Variants in LRBA observed in about 807,000 individuals in gnomAD.
The protein encoded by LRBA is lipopolysaccharide-responsive and beige-like anchor protein.
Under a neutral mutation model 330.0 loss-of-function variants are expected in LRBA, and 176 were observed. The ratio of observed to expected loss-of-function variants is 0.53; its 90% CI spans 0.47 to 0.60. The LOEUF (loss-of-function observed/expected upper bound fraction) is 0.60, where lower values mean the gene tolerates loss of function less well. Among genes scored for constraint, LRBA ranks in the 20% least tolerant of loss-of-function variants. The pLI, the probability that LRBA is intolerant of heterozygous loss-of-function variation, is 0.00. For missense variants in LRBA, 3,259 were observed against 3,444.8 expected (o/e 0.95, Z 1.35); for synonymous variants, 1,230 against 1,193.0 (o/e 1.03, Z -0.64).
intron 2 of LRBA, among the ~76,000 whole-genome samples, chr4:151,000,574 G>C (rs1178703483): frequency 3.9e-5 from 6 of 152,150 alleles, no homozygotes; most frequent in Non-Finnish European, 8.8e-5. Flanking sequence ...GTGACTAAAG[G>C]ACAGGTAGCA....
chr4:150,574,040 T>C (rs780696560), intron 40 of LRBA, among the ~76,000 whole-genome samples: 3 of 152,132 alleles, frequency 2.0e-5, no homozygotes, highest in Non-Finnish European at 4.4e-5. Flanking sequence ...CATTAAAATG[T>C]CCAAAACATT....
At chr4:150,334,711 T>G (rs1260136168) in intron 48 of LRBA, among the ~76,000 whole-genome samples, 1 of 151,956 alleles carries the variant, frequency 6.6e-6, no homozygotes, top group Non-Finnish European at 1.5e-5. Flanking sequence ...AAGCATGTAT[T>G]ATTTTTGAAA....
At chr4:150,693,551 G>A (rs1403703785) in intron 36 of LRBA, among the ~76,000 whole-genome samples, 4 of 93,940 alleles carry the variant, frequency 4.3e-5, no homozygotes, top group Admixed American at 1.8e-4. Context: ...GTGACAGAGC[G>A]AGACTCCGTC....
At position 150,781,965 on chromosome 4, in the gene LRBA, G is replaced by A. The variant is rs144670493; in HGVS notation, c.5580+16116C>T. Among the ~76,000 whole-genome samples, 547 of 152,074 alleles carry A rather than the reference G, an allele frequency of 3.6e-3. 4 individuals carry two copies. Among genetic ancestry groups the A allele is most frequent in the Non-Finnish European group, 5.4e-3 (367 of 68,012 alleles). On this transcript the variant is annotated intron_variant, in intron 34 of 56. Coordinates refer to ENST00000651943, the MANE Select transcript of LRBA (RefSeq NM_001364905.1). ...GTTCTGTCACTCACTGAAATGCAGC[G>A]GTGCTATCACAATTCACTGCAGCCT...
intron 2 of LRBA, among the ~76,000 whole-genome samples, chr4:150,974,237 G>C (rs947390124): frequency 6.6e-6 from 1 of 152,164 alleles, no homozygotes. Flanking sequence ...ATGAGTTGAA[G>C]AGACACAGAT....
Position 150,276,226 on chromosome 4 carries a change from C to T in LRBA, c.8468+1627G>A, listed in dbSNP as rs867647667. On this transcript the variant is annotated intron_variant, in intron 56 of 56. Coordinates refer to ENST00000651943, the MANE Select transcript of LRBA (RefSeq NM_001364905.1). ...AAATGGTGTTGGGAAAACTGGCTAG[C>T]CATATGCAGAAAACTGAAACTGGAC... Among the ~76,000 whole-genome samples the T allele has an allele frequency of 1.1e-4, 17 of 152,258 alleles. No individual in the cohort carries two copies. In the Middle Eastern group the frequency reaches 0.017, roughly 152 times the overall value.
intron 37 of LRBA, among the ~76,000 whole-genome samples, chr4:150,673,272 C>A (rs538469361): frequency 6.6e-6 from 1 of 152,180 alleles, no homozygotes; most frequent in African/African-American, 2.4e-5. Context: ...ATTTACTAAA[C>A]CGAAAATTTT....
At chr4:150,552,897 G>A (rs924657565) in intron 40 of LRBA, among the ~76,000 whole-genome samples, 4 of 151,408 alleles carry the variant, frequency 2.6e-5, no homozygotes, top group East Asian at 1.9e-4. Context: ...GTGAAACCCC[G>A]TCTCTACTAA....
At chr4:150,990,763 TA>T (rs754860627) in intron 2 of LRBA, among the ~76,000 whole-genome samples, 2 of 152,066 alleles carry the variant, frequency 1.3e-5, no homozygotes, top group African/African-American at 2.4e-5. Context: ...CTCATGCCTA[TA>T]ATATCAGCAT....
At chr4:150,897,279 A>C (rs902765694) in intron 15 of LRBA, among the ~76,000 whole-genome samples, 2 of 152,000 alleles carry the variant, frequency 1.3e-5, no homozygotes, top group Non-Finnish European at 2.9e-5. Context: ...CTTTTTTAGA[A>C]TATTAAATTT....
At position 150,316,878 on chromosome 4, in the gene LRBA, G is replaced by C. The variant is rs1580993153; in HGVS notation, c.7631-1255C>G. On this transcript the variant is annotated intron_variant, in intron 50 of 56. Transcript: ENST00000651943. Reference sequence around the variant, plus strand: ...GGGGCGTTGGGGTTCCTATCTTTATGGGTTTCTGTTAACCAAGGGGTGGAA... The same window carrying C: ...GGGGCGTTGGGGTTCCTATCTTTATCGGTTTCTGTTAACCAAGGGGTGGAA... 2.0e-5 allele frequency among the ~76,000 whole-genome samples: 3 copies of C among 152,256 alleles called. No homozygotes were observed. In the South Asian group the frequency reaches 6.2e-4, roughly 32 times the overall value.
At chr4:150,889,290 CA>C (rs34389393) in intron 17 of LRBA, among the ~76,000 whole-genome samples, 140,207 of 147,554 alleles carry the variant, frequency 0.95, 66,782 homozygotes, top group East Asian at 0.99. Flanking sequence ...TGATTTTCCA[CA>C]AAAAAAAAAA....
In LRBA at chr4:151,014,579, C is replaced by T; in HGVS notation, c.64G>A (p.Gly22Arg). ...PPTGDDGGGG[G>R]REETPTEGGA... ...CCTTCAGTAGGGGTTTCTTCTCTCC[C>T]TCCACCTCCCCCGTCATCACCTGTT... The change falls in exon 2 of 57, where the codon GGG becomes AGG. Residue 22 changes from glycine (G) to arginine (R), a missense_variant. Physicochemically the swap from Gly to Arg is moderately radical, Grantham distance 125 (BLOSUM62 -2). Coordinates refer to ENST00000651943, the MANE Select transcript of LRBA (RefSeq NM_001364905.1). The T allele has an allele frequency of 2.5e-6, 4 of 1,612,474 alleles. No individual in the cohort carries two copies. The highest frequency in any genetic ancestry group is 3.4e-6 in the Non-Finnish European group (4 of 1,179,224).
Position 150,583,383 on chromosome 4 carries a change from G to A in LRBA, c.6330+4665C>T. 3 of 1,614,086 alleles carry A rather than the reference G, an allele frequency of 1.9e-6. No individual in the cohort carries two copies. Among genetic ancestry groups the A allele is most frequent in the Non-Finnish European group, 2.5e-6 (3 of 1,180,036 alleles). ...TGTCTCTCTGGGTCGAGTTCATCAC[G>A]GCGTCGGGCTATCTCTCAGCGCGTA... On this transcript the variant is annotated intron_variant, in intron 40 of 56. Transcript: ENST00000651943. This position sits in a 1 kb window ranked among gnomAD's most constrained non-coding sequence, Gnocchi z 9.8.
chr4:150,382,635 A>AAAG (rs1394378081), intron 47 of LRBA, among the ~76,000 whole-genome samples: 1 of 151,958 alleles, frequency 6.6e-6, no homozygotes, highest in Non-Finnish European at 1.5e-5. Flanking sequence ...AAAAAAAAAA[A>AAAG]AAGAAGACCA....
At chr4:150,893,354 C>T (rs567446252) in intron 16 of LRBA, among the ~76,000 whole-genome samples, 1 of 151,986 alleles carries the variant, frequency 6.6e-6, no homozygotes, top group South Asian at 2.1e-4. Flanking sequence ...AAACCAATTT[C>T]TTTTTTTGTG....
At chr4:150,985,470 T>C (rs916944339) in intron 2 of LRBA, among the ~76,000 whole-genome samples, 3 of 151,274 alleles carry the variant, frequency 2.0e-5, no homozygotes, top group African/African-American at 4.8e-5. Flanking sequence ...CAGGTTGAAA[T>C]CTAGAATTGC....
Position 150,789,673 on chromosome 4 carries a change from A to C in LRBA, c.5580+8408T>G, listed in dbSNP as rs147823725. ...AACTATATAGTATGAGAATATAGCTAAAACTTCTAAAAGTTATCAGAGAGT... is the reference window on the plus strand; with the variant it reads ...AACTATATAGTATGAGAATATAGCTCAAACTTCTAAAAGTTATCAGAGAGT... On this transcript the variant is annotated intron_variant, in intron 34 of 56. Coordinates refer to ENST00000651943, the MANE Select transcript of LRBA (RefSeq NM_001364905.1). Among the ~76,000 whole-genome samples, 928 of 152,310 alleles carry C rather than the reference A, an allele frequency of 6.1e-3. 6 individuals carry two copies. The highest frequency in any genetic ancestry group is 0.021 in the African/African-American group (881 of 41,554).
intron 53 of LRBA, among the ~76,000 whole-genome samples, chr4:150,300,320 A>G (rs1729502907): frequency 6.6e-6 from 1 of 152,072 alleles, no homozygotes; most frequent in South Asian, 2.1e-4. Flanking sequence ...ATTTTCTAAA[A>G]TTTTTATTAG....
Sources: allele counts gnomAD v4.1 joint callset (sites outside exome capture counted in the v4.1 genomes callset), GRCh38; gene constraint gnomAD v4.1.1; non-coding constraint Gnocchi (gnomAD v3.1); transcripts MANE v1.5; gene names NCBI Gene and HGNC (gene_info 2026-07-23, HGNC 2026-07-21).